VPS13C: variants seen among roughly 807,000 people sequenced by gnomAD.
The protein encoded by VPS13C is vacuolar protein sorting 13 homolog C.
VPS13C carries 358 observed loss-of-function variants against 456.8 expected under a neutral mutation model. The observed-to-expected ratio is 0.78, with a 90% CI of 0.72 to 0.86. VPS13C has a LOEUF of 0.86. Ranked by LOEUF, VPS13C falls within the 40% of genes least tolerant of loss-of-function variation. The pLI is 0.00. For missense variants in VPS13C, 4,818 were observed against 4,385.4 expected (o/e 1.10, Z -2.79); for synonymous variants, 1,578 against 1,486.7 (o/e 1.06, Z -1.41).
In VPS13C at chr15:61,973,484, T is replaced by C; in HGVS notation, c.2587A>G (p.Thr863Ala). The change falls in exon 26 of 85, where the codon ACT (threonine) becomes GCT (alanine). Residue 863 changes from threonine (T) to alanine (A), a missense_variant. Thr to Ala is a moderately conservative substitution (Grantham distance 58). Transcript: ENST00000644861. ...ISGGTKGLLG[T>A]SLLLDTVESE... ...TCCACAGTGTCTAGCAATAGTGAAG[T>C]ACCAAGTAGACCTTTTGTACCACCT... 6.2e-7 allele frequency: 1 copy of C among 1,612,698 alleles called. No homozygotes were observed. The highest frequency in any genetic ancestry group is 1.1e-5 in the South Asian group (1 of 91,022).
chr15:62,048,212 G>T (rs185547855), intron 1 of VPS13C, among the ~76,000 whole-genome samples: 5 of 149,612 alleles, frequency 3.3e-5, no homozygotes, highest in African/African-American at 7.4e-5. Flanking sequence ...CCATTAACTC[G>T]TCATTTAGCA....
Position 61,961,812 on chromosome 15 carries a change from C to A in VPS13C, c.3685G>T (p.Val1229Leu), listed in dbSNP as rs766371434. The change falls in exon 35 of 85, where the codon GTG (valine) becomes TTG (leucine). Residue 1229 changes from valine (V) to leucine (L), a missense_variant. Physicochemically the swap from Val to Leu is conservative, Grantham distance 32 (BLOSUM62 1). Around this residue, in one of 3 missense-constraint regions of VPS13C, gnomAD observed 4,552 missense variants for 4,130.6 expected, o/e 1.10. Coordinates refer to ENST00000644861, the MANE Select transcript of VPS13C (RefSeq NM_020821.3). The stretch of plus-strand genomic sequence containing the variant: ...AAACTCCTCTGGGCAAGATCTTTCA[C>A]ACTTGTGGCAGCCCTTTCTGCAGCC... ...AQAAERAATS[V>L]KDLAQRSFRV... 1 of 1,614,072 alleles carries A rather than the reference C, an allele frequency of 6.2e-7. No individual in the cohort carries two copies. Among genetic ancestry groups the A allele is most frequent in the Non-Finnish European group, 8.5e-7 (1 of 1,179,964 alleles).
intron 61 of VPS13C, among the ~76,000 whole-genome samples, chr15:61,914,205 G>A (rs1373527635): frequency 6.6e-6 from 1 of 152,142 alleles, no homozygotes; most frequent in Non-Finnish European, 1.5e-5. Flanking sequence ...TGTTGGAAAT[G>A]CAAATTCTCA....
intron 14 of VPS13C, among the ~76,000 whole-genome samples, chr15:62,007,956 T>C (rs557389885): frequency 1.3e-5 from 2 of 151,990 alleles, no homozygotes; most frequent in African/African-American, 4.8e-5. Flanking sequence ...AATACAAAAA[T>C]TAGGCCAGGC....
intron 49 of VPS13C, among the ~76,000 whole-genome samples, chr15:61,932,463 TG>T (rs1487780193): frequency 6.6e-6 from 1 of 151,846 alleles, no homozygotes; most frequent in African/African-American, 2.4e-5. Flanking sequence ...TATAGAAAAA[TG>T]GACCTCGATC....
chr15:62,058,846 G>T (rs1364068963), intron 1 of VPS13C, among the ~76,000 whole-genome samples: 1 of 151,896 alleles, frequency 6.6e-6, no homozygotes, highest in Non-Finnish European at 1.5e-5. Context: ...CAGCCCAGGA[G>T]TTGGAGGCTG....
chr15:62,012,941 C>T, intron 11 of VPS13C, 98 bp downstream of exon 11: 1 of 668,654 alleles, frequency 1.5e-6, no homozygotes, highest in Non-Finnish European at 2.4e-6. Context: ...ACAAGTTAAA[C>T]AAATGGCTGA....
At chr15:61,882,480 T>C (rs1206411482) in intron 69 of VPS13C, 116 bp downstream of exon 69, 4 of 1,062,586 alleles carry the variant, frequency 3.8e-6, no homozygotes, top group Non-Finnish European at 3.7e-6. Context: ...GGAAAAAACA[T>C]ACAAACAAAG....
At chr15:61,897,485 T>G (rs1480746149) in intron 66 of VPS13C, among the ~76,000 whole-genome samples, 1 of 151,984 alleles carries the variant, frequency 6.6e-6, no homozygotes, top group Non-Finnish European at 1.5e-5. Flanking sequence ...TGCGATCAAC[T>G]GGAAGAAAGG....
At chr15:61,967,324 G>T in intron 29 of VPS13C, 44 bp downstream of exon 29, 1 of 1,499,936 alleles carries the variant, frequency 6.7e-7, no homozygotes, top group South Asian at 1.2e-5. Context: ...CAGAGAAATA[G>T]TTTGGAGTAA....
Position 61,981,371 on chromosome 15 carries a change from G to T in VPS13C, c.2137C>A (p.Leu713Ile), listed in dbSNP as rs772420777. 3.7e-6 allele frequency: 6 copies of T among 1,610,386 alleles called. No individual in the cohort carries two copies. Among genetic ancestry groups the T allele is most frequent in the Non-Finnish European group, 5.1e-6 (6 of 1,178,822 alleles). The change falls in exon 22 of 85, where the codon CTT (leucine) becomes ATT (isoleucine). Residue 713 changes from leucine (L) to isoleucine (I), a missense_variant. Coordinates refer to ENST00000644861, the MANE Select transcript of VPS13C (RefSeq NM_020821.3). ...QTGFHHEKSD[L>I]LILDFGTFQL... Reference sequence around the variant, plus strand: ...AATGTACCAAAATCTAAAATCAGAAGATCTGACTTTTCATGGTGGAAACCC... The same window carrying T: ...AATGTACCAAAATCTAAAATCAGAATATCTGACTTTTCATGGTGGAAACCC...
intron 42 of VPS13C, among the ~76,000 whole-genome samples, chr15:61,948,576 G>C (rs1458004494): frequency 6.6e-6 from 1 of 152,000 alleles, no homozygotes; most frequent in Non-Finnish European, 1.5e-5. Context: ...CCAGCTACTT[G>C]GGAGGCTGAG....
chr15:61,966,280 T>C (rs1445384509), intron 29 of VPS13C, 138 bp from the exon 30 acceptor site: 2 of 496,626 alleles, frequency 4.0e-6, no homozygotes, highest in Non-Finnish European at 6.9e-6. Context: ...ATTGCCATTA[T>C]TTTAAATTTA....
chr15:61,945,996 T>C (rs1279049371), intron 44 of VPS13C, 114 bp from the exon 45 acceptor site: 9 of 958,808 alleles, frequency 9.4e-6, no homozygotes, highest in South Asian at 2.7e-5. Flanking sequence ...AATATATGAA[T>C]TCAACATTAA....
chr15:61,874,788 T>G, intron 77 of VPS13C, 88 bp downstream of exon 77: 1 of 1,208,720 alleles, frequency 8.3e-7, no homozygotes, highest in Non-Finnish European at 1.1e-6. Context: ...CCTCCTTTAT[T>G]AAATAAAAGC....
chr15:62,044,141 C>T (rs911808780), intron 2 of VPS13C, 71 bp downstream of exon 2: 4 of 1,045,794 alleles, frequency 3.8e-6, no homozygotes, highest in African/African-American at 1.7e-5. Context: ...GTATCAGATG[C>T]CTAGTAGGCA....
chr15:61,906,140 G>A (rs1460970952), intron 66 of VPS13C, among the ~76,000 whole-genome samples: 2 of 152,122 alleles, frequency 1.3e-5, no homozygotes, highest in African/African-American at 2.4e-5. Context: ...TAAACCTAGT[G>A]TTTGCCAACA....
intron 67 of VPS13C, 82 bp downstream of exon 67, chr15:61,890,083 T>C: frequency 1.5e-6 from 2 of 1,303,116 alleles, no homozygotes; most frequent in Non-Finnish European, 2.1e-6. Flanking sequence ...AAACCAGGTA[T>C]CTTTTTACTT....
chr15:61,862,407 G>A (rs1303876276), intron 82 of VPS13C, among the ~76,000 whole-genome samples: 1 of 151,948 alleles, frequency 6.6e-6, no homozygotes, highest in Non-Finnish European at 1.5e-5. Context: ...AAATCAAATA[G>A]GTACTAAGTA....
Sources: allele counts gnomAD v4.1 joint callset (sites outside exome capture counted in the v4.1 genomes callset), GRCh38; gene constraint gnomAD v4.1.1; regional missense constraint gnomAD v4.1.1; transcripts MANE v1.5; gene names NCBI Gene and HGNC (gene_info 2026-07-23, HGNC 2026-07-21).